The following SMO variants were observed in gnomAD, a reference collection of about 807,000 sequenced individuals.
SMO encodes the protein protein smoothened.
A neutral mutation model predicts 81.6 loss-of-function variants in SMO; 40 were observed. The ratio of observed to expected loss-of-function variants is 0.49; its 90% CI spans 0.38 to 0.64. The LOEUF (loss-of-function observed/expected upper bound fraction) is 0.64, where lower values mean the gene tolerates loss of function less well. Among genes scored for constraint, SMO ranks in the 30% least tolerant of loss-of-function variants. SMO has a pLI of 0.00. For synonymous variants in SMO, 434 were observed against 432.1 expected (o/e 1.00, Z -0.05); for missense variants, 916 against 1,061.1 (o/e 0.86, Z 1.90).
intron 1 of SMO, among the ~76,000 whole-genome samples, chr7:129,202,855 A>T (rs1793693093): frequency 1.3e-5 from 2 of 152,176 alleles, no homozygotes; most frequent in African/African-American, 4.8e-5. Flanking sequence ...GGGGAGCTCT[A>T]CCAGAGGCAT....
rs2150650908 is a variant in SMO, at chr7:129,206,601, A to G, written c.1264+14A>G. 1 of 1,613,806 alleles carries G rather than the reference A, an allele frequency of 6.2e-7. No homozygotes were observed. The highest frequency in any genetic ancestry group is 2.2e-5 in the East Asian group (1 of 44,876). ...TCCTCATCCGAGGTGAGTGAAGACC[A>G]GGCCAGGACCAGTTGGGCAACAAAA... is the stretch of plus-strand genomic sequence containing the variant. On this transcript the variant is annotated intron_variant, in intron 6 of 11. Transcript: ENST00000249373. The surrounding 1 kb of genome is among the most constrained non-coding windows in gnomAD (Gnocchi z 4.4).
In SMO at chr7:129,200,031, G is replaced by A. The variant is rs186288994; in HGVS notation, c.332-3353G>A. Among the ~76,000 whole-genome samples the A allele has an allele frequency of 8.5e-5, 13 of 152,170 alleles. No individual in the cohort carries two copies. The East Asian group carries it at 1.2e-3, about 14-fold the overall frequency. ...GTATCTTACTTTTCTTATGATTTTT[G>A]TATCGATTTTTCTGAAGTCTTTTGT... On this transcript the variant is annotated intron_variant, in intron 1 of 11. Coordinates refer to ENST00000249373, the MANE Select transcript of SMO (RefSeq NM_005631.5).
chr7:129,204,205 C>T (rs1055985473), intron 2 of SMO, among the ~76,000 whole-genome samples: 5 of 151,924 alleles, frequency 3.3e-5, no homozygotes, highest in East Asian at 1.9e-4. Context: ...TCATGGTGTG[C>T]GCCTGTAGTC....
intron 1 of SMO, among the ~76,000 whole-genome samples, chr7:129,199,182 CTTTTT>C (rs71526090): frequency 7.9e-6 from 1 of 126,650 alleles, no homozygotes; most frequent in Admixed American, 8.7e-5. Flanking sequence ...ATTTTCTTTT[CTTTTT>C]TTTTTTTTTT....
At chr7:129,196,309 A>G (rs1411522152) in intron 1 of SMO, among the ~76,000 whole-genome samples, 1 of 139,158 alleles carries the variant, frequency 7.2e-6, no homozygotes, top group Non-Finnish European at 1.5e-5. Context: ...TCTAGTAGAG[A>G]GTCTGAGCTA....
In SMO at chr7:129,205,752, C is replaced by T. The variant is rs2150649393; in HGVS notation, c.890C>T (p.Ala297Val). ...GCCCGCCGAGAGATCGTCTGCCGTG[C>T]AGATGGCACCATGAGGCTTGGGGAG... ...DGARREIVCR[A>V]DGTMRLGEPT... Residue 297 changes from alanine (A) to valine (V), a missense_variant, in exon 4 of 12, where the codon GCA (alanine) becomes GTA (valine). By Grantham distance (64) the Ala-to-Val change is moderately conservative. Coordinates refer to ENST00000249373, the MANE Select transcript of SMO (RefSeq NM_005631.5). The T allele has an allele frequency of 6.2e-7, 1 of 1,609,052 alleles. No homozygotes were observed.
At chr7:129,205,828 T>C (rs746023197) in intron 4 of SMO, 46 bp downstream of exon 4, 2 of 1,563,696 alleles carry the variant, frequency 1.3e-6, no homozygotes, top group South Asian at 1.1e-5. Context: ...GGAGGAAGGC[T>C]GAAGTGTGCG....
In SMO at chr7:129,208,662, G is replaced by C; in HGVS notation, c.1265-97G>C. The C allele has an allele frequency of 5.5e-6, 4 of 723,666 alleles. No homozygotes were observed. Among genetic ancestry groups the C allele is most frequent in the Non-Finnish European group, 1.0e-5 (4 of 401,948 alleles). The allele number at this position is 723,666 out of a possible 1,614,324, so 44.8% of individuals were successfully genotyped here. ...ATTTAGCACAGGGGTAATCAGACTT[G>C]GGACTCCAGAGCCTTAGGACCCTCC... On this transcript the variant is annotated intron_variant, in intron 6 of 11. Coordinates refer to ENST00000249373, the MANE Select transcript of SMO (RefSeq NM_005631.5). This position sits in a 1 kb window ranked among gnomAD's most constrained non-coding sequence, Gnocchi z 5.2.
chr7:129,195,286 T>A (rs184021208), intron 1 of SMO, among the ~76,000 whole-genome samples: 30 of 152,392 alleles, frequency 2.0e-4, no homozygotes, highest in African/African-American at 7.0e-4. Context: ...GTGGTTGTAC[T>A]AACTTATACT....
intron 7 of SMO, 151 bp from the exon 8 acceptor site, chr7:129,209,138 A>G (rs1252728384): frequency 4.8e-6 from 3 of 621,034 alleles, no homozygotes; most frequent in Non-Finnish European, 8.8e-6. Flanking sequence ...ATTTTATTTT[A>G]GAGAAAGCAG....
At chr7:129,195,554 T>C (rs1275849306) in intron 1 of SMO, among the ~76,000 whole-genome samples, 2 of 152,210 alleles carry the variant, frequency 1.3e-5, no homozygotes, top group Non-Finnish European at 2.9e-5. Flanking sequence ...TTTGTAAGAT[T>C]TGTAGGAGTT....
At position 129,208,375 on chromosome 7, in the gene SMO, T is replaced by C. The variant is rs1318065862; in HGVS notation, c.1265-384T>C. 2.0e-5 allele frequency among the ~76,000 whole-genome samples: 3 copies of C among 151,928 alleles called. No individual in the cohort carries two copies. The highest frequency in any genetic ancestry group is 7.3e-5 in the African/African-American group (3 of 41,364). ...CTGAGGCAGGAGAATTGCTTGAACC[T>C]GGGAGGCGGAGTTTACAATGAGCCG... On this transcript the variant is annotated intron_variant, in intron 6 of 11. Coordinates refer to ENST00000249373, the MANE Select transcript of SMO (RefSeq NM_005631.5). This position sits in a 1 kb window ranked among gnomAD's most constrained non-coding sequence, Gnocchi z 5.2.
Position 129,211,933 on chromosome 7 carries a change from C to G in SMO, c.1937-91C>G, listed in dbSNP as rs745737720. ...CTCTAAGAGTCTAGAGACCTGGGCCCCAGAACTAACAGGTTAAGTGCTCCC... is the reference window on the plus strand; with the variant it reads ...CTCTAAGAGTCTAGAGACCTGGGCCGCAGAACTAACAGGTTAAGTGCTCCC... On this transcript the variant is annotated intron_variant, in intron 11 of 11. Coordinates refer to ENST00000249373, the MANE Select transcript of SMO (RefSeq NM_005631.5). This position sits in a 1 kb window ranked among gnomAD's most constrained non-coding sequence, Gnocchi z 4.6. 7.0e-7 allele frequency: 1 copy of G among 1,431,646 alleles called. No individual in the cohort carries two copies. Among genetic ancestry groups the G allele is most frequent in the Non-Finnish European group, 9.4e-7 (1 of 1,063,858 alleles). 88.7% of individuals were successfully genotyped at this position (1,431,646 alleles called of 1,614,324 possible).
At chr7:129,203,666 C>T (rs1793709783) in intron 2 of SMO, 77 bp downstream of exon 2, 1 of 1,152,502 alleles carries the variant, frequency 8.7e-7, no homozygotes, top group Admixed American at 2.3e-5. Context: ...CAGTGGGGAG[C>T]AGGGGAGCCC....
chr7:129,201,319 C>T (rs962081920), intron 1 of SMO, among the ~76,000 whole-genome samples: 2 of 152,174 alleles, frequency 1.3e-5, no homozygotes, highest in Non-Finnish European at 2.9e-5. Flanking sequence ...TCTGGGATTA[C>T]AGGTTTGAGC....
At chr7:129,203,728 C>T in intron 2 of SMO, 139 bp downstream of exon 2, 1 of 631,608 alleles carries the variant, frequency 1.6e-6, no homozygotes, top group South Asian at 2.0e-5. Flanking sequence ...GTCAACAGGA[C>T]ACAAACTCAA....
chr7:129,202,332 G>T (rs941447085), intron 1 of SMO, among the ~76,000 whole-genome samples: 40 of 152,082 alleles, frequency 2.6e-4, no homozygotes, highest in African/African-American at 9.7e-4. Flanking sequence ...CAGTTGCCAT[G>T]CACATGCCCC....
rs1277554561 is a variant in SMO at position 129,211,178 on chromosome 7, C to T, written c.1801+65C>T. 1.5e-5 allele frequency: 23 copies of T among 1,515,958 alleles called. No individual in the cohort carries two copies. The highest frequency in any genetic ancestry group is 1.9e-5 in the Non-Finnish European group (21 of 1,114,028). 93.9% of individuals were successfully genotyped at this position (1,515,958 alleles called of 1,614,324 possible). On this transcript the variant is annotated intron_variant, in intron 10 of 11. Transcript: ENST00000249373. This position sits in a 1 kb window ranked among gnomAD's most constrained non-coding sequence, Gnocchi z 4.6. ...GCGCTGCCCATGTGCTAGTCTCTCC[C>T]AGCCTGCTGGGGGCACACAGATTAT...
Position 129,188,811 on chromosome 7 carries a change from A to C in SMO, c.-341A>C. 3 of 198,366 alleles carry C rather than the reference A, an allele frequency of 1.5e-5. No homozygotes were observed. Among genetic ancestry groups the C allele is most frequent in the Non-Finnish European group, 2.0e-5 (2 of 98,934 alleles). The allele number at this position is 198,366 out of a possible 1,614,324, so 12.3% of individuals were successfully genotyped here. On this transcript the variant is annotated 5_prime_UTR_variant, in exon 1 of 12. Coordinates refer to ENST00000249373, the MANE Select transcript of SMO (RefSeq NM_005631.5). This position sits in a 1 kb window ranked among gnomAD's most constrained non-coding sequence, Gnocchi z 4.9. ...GTCTGGCCTCCCTCGCGGGGCGGGG[A>C]GGTGGCTTTAATGGTGGGAGAGGGA...
Sources: allele counts gnomAD v4.1 joint callset (sites outside exome capture counted in the v4.1 genomes callset), GRCh38; gene constraint gnomAD v4.1.1; non-coding constraint Gnocchi (gnomAD v3.1); transcripts MANE v1.5; gene names NCBI Gene and HGNC (gene_info 2026-07-23, HGNC 2026-07-21).